Variants in NPAS2 observed in about 807,000 individuals in gnomAD.
NPAS2 encodes neuronal PAS domain-containing protein 2.
A neutral mutation model predicts 107.5 loss-of-function variants in NPAS2; 23 were observed. The ratio of observed to expected loss-of-function variants is 0.21; its 90% CI spans 0.15 to 0.30. The LOEUF is 0.30. Ranked by LOEUF, NPAS2 falls within the 10% of genes least tolerant of loss-of-function variation. The pLI is 1.00. For missense variants in NPAS2, 756 were observed against 1,043.3 expected, an observed-to-expected ratio of 0.72 and a Z score of 3.79; for synonymous variants, 403 against 417.5, an observed-to-expected ratio of 0.97 and a Z score of 0.42.
intron 15 of NPAS2, among the ~76,000 whole-genome samples, chr2:100,978,809 G>A (rs1677210733): frequency 6.6e-6 from 1 of 152,258 alleles, no homozygotes; most frequent in African/African-American, 2.4e-5. Flanking sequence ...TGGAGGAGGT[G>A]ACGCTTGAGT....
Position 100,868,594 on chromosome 2 carries a change from T to C in NPAS2, c.-22-36139T>C, listed in dbSNP as rs547308202. Among the ~76,000 whole-genome samples, 3 of 152,354 alleles carry C rather than the reference T, an allele frequency of 2.0e-5. No individual in the cohort carries two copies. In the South Asian group the frequency reaches 6.2e-4, roughly 32 times the overall value. ...TAGACCCCATTCCCTCGAATATCTC[T>C]TGCTAGAACTTGAGTTTTGCATGTG... On this transcript the variant is annotated intron_variant, in intron 1 of 20. Coordinates refer to ENST00000335681, the MANE Select transcript of NPAS2 (RefSeq NM_002518.4).
intron 1 of NPAS2, among the ~76,000 whole-genome samples, chr2:100,856,887 A>AAAAATTTC (rs1678606759): frequency 6.6e-6 from 1 of 152,170 alleles, no homozygotes; most frequent in Non-Finnish European, 1.5e-5. Flanking sequence ...AGCAGGTAGT[A>AAAAATTTC]AGACAGCACC....
chr2:100,823,120 C>A lies in NPAS2; in HGVS notation c.-23+2706C>A, dbSNP rs79621932. On this transcript the variant is annotated intron_variant, in intron 1 of 20. Transcript: ENST00000335681. Reference sequence around the variant, plus strand: ...GGAAATGAGCTGAATTGTTGGTGGTCACTATCCAAAGGTGAGAAATTTCTG... The same window carrying A: ...GGAAATGAGCTGAATTGTTGGTGGTAACTATCCAAAGGTGAGAAATTTCTG... 4.4e-3 allele frequency among the ~76,000 whole-genome samples: 674 copies of A among 152,166 alleles called. 26 individuals carry two copies. In the East Asian group the frequency reaches 0.092, roughly 21 times the overall value.
intron 1 of NPAS2, chr2:100,901,384 C>A: frequency 5.0e-6 from 1 of 200,592 alleles, no homozygotes; most frequent in Non-Finnish European, 8.9e-6. Flanking sequence ...TGGTCAGTTG[C>A]TAGGTGCAGA....
intron 7 of NPAS2, among the ~76,000 whole-genome samples, chr2:100,957,913 G>A (rs769235032): frequency 3.0e-4 from 46 of 152,172 alleles, no homozygotes; most frequent in Non-Finnish European, 3.1e-4. Flanking sequence ...GGGCGACAGA[G>A]CGAAACTCAG....
chr2:100,857,659 G>A (rs774105746), intron 1 of NPAS2, among the ~76,000 whole-genome samples: 3 of 152,206 alleles, frequency 2.0e-5, no homozygotes, highest in Non-Finnish European at 2.9e-5. Context: ...CCAAGTCTCC[G>A]CAAATGGGTG....
chr2:100,819,133 T>A (rs1675893127), upstream of NPAS2, among the ~76,000 whole-genome samples: 2 of 151,268 alleles, frequency 1.3e-5, no homozygotes, highest in South Asian at 4.2e-4. This position sits in a 1 kb window ranked among gnomAD's most constrained non-coding sequence, Gnocchi z 5.8. Context: ...GATTCTCGCC[T>A]GTCTCCTCCC....
intron 1 of NPAS2, among the ~76,000 whole-genome samples, chr2:100,825,026 C>T (rs1030992060): frequency 2.0e-5 from 3 of 152,260 alleles, no homozygotes; most frequent in South Asian, 4.1e-4. Flanking sequence ...GGGGCTGAAG[C>T]TGAGAGGTTG....
intron 19 of NPAS2, among the ~76,000 whole-genome samples, chr2:100,991,726 A>G (rs770126537): frequency 1.1e-4 from 17 of 152,088 alleles, no homozygotes; most frequent in Non-Finnish European, 2.2e-4. Flanking sequence ...GGGTGTAGGC[A>G]CATGCTCGGT....
chr2:100,990,917 T>C, intron 19 of NPAS2, 45 bp downstream of exon 19: 1 of 1,553,912 alleles, frequency 6.4e-7, no homozygotes, highest in Non-Finnish European at 8.9e-7. Context: ...GCTGGTGGAA[T>C]GGTTCCAGGC....
At chr2:100,972,126 T>C (rs1676617597) in intron 12 of NPAS2, among the ~76,000 whole-genome samples, 1 of 151,974 alleles carries the variant, frequency 6.6e-6, no homozygotes, top group Non-Finnish European at 1.5e-5. Context: ...TTTTGTGTCT[T>C]TCATAGAGAC....
In NPAS2 at chr2:100,915,096, A is replaced by T. The variant is rs539734878; in HGVS notation, c.33-10050A>T. Among the ~76,000 whole-genome samples, 643 of 151,974 alleles carry T rather than the reference A, an allele frequency of 4.2e-3. 5 individuals are homozygous for T. The highest frequency in any genetic ancestry group is 0.015 in the African/African-American group (616 of 41,484). On this transcript the variant is annotated intron_variant, in intron 2 of 20. Coordinates refer to ENST00000335681, the MANE Select transcript of NPAS2 (RefSeq NM_002518.4). ...TTAAATCTGCCCTTTTTTGTTTTTT[A>T]TTTATTTCCTTGCATCCCAGAAGCA...
intron 1 of NPAS2, among the ~76,000 whole-genome samples, chr2:100,865,900 C>T (rs966001328): frequency 2.0e-5 from 3 of 152,208 alleles, no homozygotes; most frequent in Non-Finnish European, 2.9e-5. Flanking sequence ...TGTTACCAGT[C>T]CCAAGTGCTT....
chr2:100,925,255 G>A lies in NPAS2; in HGVS notation c.142G>A (p.Val48Met), dbSNP rs1683484251. ...GNTRKMDKTT[V>M]LEKVIGFLQK... ...CACGCGGAAAATGGACAAAACCACC[G>A]TGTTGGAAAAGGTCATCGGATTTTT... The change falls in exon 3 of 21, where the codon GTG becomes ATG. Residue 48 changes from valine (V) to methionine (M), a missense_variant. Physicochemically the swap from Val to Met is conservative, Grantham distance 21 (BLOSUM62 1). Coordinates refer to ENST00000335681, the MANE Select transcript of NPAS2 (RefSeq NM_002518.4). 1.2e-6 allele frequency: 2 copies of A among 1,614,070 alleles called. No homozygotes were observed. Among genetic ancestry groups the A allele is most frequent in the South Asian group, 1.1e-5 (1 of 91,070 alleles).
At chr2:100,945,235 C>T (rs1674814898) in intron 5 of NPAS2, among the ~76,000 whole-genome samples, 1 of 152,136 alleles carries the variant, frequency 6.6e-6, no homozygotes, top group Non-Finnish European at 1.5e-5. Flanking sequence ...TCCTCCTGTC[C>T]TCCGATCAGC....
At chr2:100,881,925 C>G (rs1680375003) in intron 1 of NPAS2, among the ~76,000 whole-genome samples, 1 of 152,210 alleles carries the variant, frequency 6.6e-6, no homozygotes, top group Admixed American at 6.5e-5. Flanking sequence ...CACCCACCAC[C>G]TCCCTCATGT....
At position 100,965,823 on chromosome 2, in the gene NPAS2, C is replaced by A; in HGVS notation, c.907+57C>A. The A allele has an allele frequency of 9.0e-7, 1 of 1,111,524 alleles. No homozygotes were observed. The highest frequency in any genetic ancestry group is 1.3e-5 in the South Asian group (1 of 76,598). The allele number at this position is 1,111,524 out of a possible 1,614,324, so 68.9% of individuals were successfully genotyped here. On this transcript the variant is annotated intron_variant, in intron 10 of 20. Coordinates refer to ENST00000335681, the MANE Select transcript of NPAS2 (RefSeq NM_002518.4). This position sits in a 1 kb window ranked among gnomAD's most constrained non-coding sequence, Gnocchi z 4.3. ...GCCTTGCGTTCACTCCACTGGGGCC[C>A]AGCAGCAGGGCTCTGGGACTCCAGA...
At chr2:100,825,063 T>C (rs1676290429) in intron 1 of NPAS2, among the ~76,000 whole-genome samples, 1 of 152,212 alleles carries the variant, frequency 6.6e-6, no homozygotes, top group Non-Finnish European at 1.5e-5. Context: ...TTGTGGACTT[T>C]GTTGCTTTGC....
At chr2:100,826,169 T>C (rs1194681405) in intron 1 of NPAS2, among the ~76,000 whole-genome samples, 1 of 152,094 alleles carries the variant, frequency 6.6e-6, no homozygotes, top group East Asian at 1.9e-4. Flanking sequence ...TAAGGCCGGG[T>C]GCACTGACTC....
Sources: gnomAD v4.1 joint callset for allele counts (sites outside exome capture counted in the v4.1 genomes callset) on GRCh38, gnomAD v4.1.1 for gene constraint, Gnocchi (gnomAD v3.1) non-coding constraint, MANE v1.5 for transcripts, NCBI Gene and HGNC (gene_info 2026-07-23, HGNC 2026-07-21) for gene names.